Variants in VPS13D observed in about 807,000 individuals in gnomAD.
VPS13D encodes the protein vacuolar protein sorting 13 homolog D.
Under a neutral mutation model 461.9 loss-of-function variants are expected in VPS13D, and 187 were observed. The observed-to-expected ratio is 0.40, with a 90% CI of 0.36 to 0.46. The LOEUF (loss-of-function observed/expected upper bound fraction) is 0.46, where lower values mean the gene tolerates loss of function less well. Among genes scored for constraint, VPS13D ranks in the 20% least tolerant of loss-of-function variants. The pLI is 0.60. For synonymous variants in VPS13D, 1,951 were observed against 1,986.3 expected (o/e 0.98, Z 0.47); for missense variants, 4,711 against 5,364.9 (o/e 0.88, Z 3.81).
At chr1:12,493,314 C>G (rs1219575059) in intron 67 of VPS13D, among the ~76,000 whole-genome samples, 1 of 151,686 alleles carries the variant, frequency 6.6e-6, no homozygotes, top group Admixed American at 6.6e-5. Flanking sequence ...AACCCCGTCT[C>G]TAATAAAAAT....
rs188974549 is a variant in VPS13D at position 12,323,437 on chromosome 1, T to C, written c.7916-269T>C. Among the ~76,000 whole-genome samples the C allele has an allele frequency of 1.8e-4, 27 of 152,064 alleles. No individual in the cohort carries two copies. The East Asian group carries it at 4.7e-3, about 26-fold the overall frequency. ...AAAATGTAGGGGCCAGATGGTGGAA[T>C]GAAGGGGCCAGATGCGAAATAGACC... is the stretch of plus-strand genomic sequence containing the variant. On this transcript the variant is annotated intron_variant, in intron 34 of 69. Transcript: ENST00000620676.
chr1:12,464,161 A>G (rs757352339), intron 67 of VPS13D, among the ~76,000 whole-genome samples: 6 of 152,122 alleles, frequency 3.9e-5, no homozygotes, highest in Non-Finnish European at 5.9e-5. Context: ...ACCATCTCCA[A>G]CCATCCCGGT....
At chr1:12,497,027 C>A (rs548488893) in intron 67 of VPS13D, 1 of 152,912 alleles carries the variant, frequency 6.5e-6, no homozygotes, top group African/African-American at 2.4e-5. Context: ...TTCTTCCAGA[C>A]CCATCACAAA....
At chr1:12,310,524 C>T (rs908740140) in intron 27 of VPS13D, among the ~76,000 whole-genome samples, 1 of 152,134 alleles carries the variant, frequency 6.6e-6, no homozygotes, top group Non-Finnish European at 1.5e-5. Context: ...TTCTGTCCAT[C>T]CCAGCTGAGA....
chr1:12,388,592 AAG>A (rs1557750223), intron 60 of VPS13D, among the ~76,000 whole-genome samples: 1 of 152,050 alleles, frequency 6.6e-6, no homozygotes, highest in African/African-American at 2.4e-5. Flanking sequence ...AAAAAAAAAA[AAG>A]AAATCATAAA....
At position 12,369,457 on chromosome 1, in the gene VPS13D, A is replaced by G. The variant is rs767911296; in HGVS notation, c.10573-10A>G. ...GAAAGTCCTCTTTGTCCTCTCTGCC[A>G]TCACTCTAGGTCCCGGTTGTCTTTA... On this transcript the variant is annotated splice_polypyrimidine_tract_variant and intron_variant, in intron 53 of 69. Transcript: ENST00000620676. 6.2e-7 allele frequency: 1 copy of G among 1,613,600 alleles called. No individual in the cohort carries two copies. Among genetic ancestry groups the G allele is most frequent in the South Asian group, 1.1e-5 (1 of 91,006 alleles).
At chr1:12,342,422 G>A (rs1026983845) in intron 41 of VPS13D, among the ~76,000 whole-genome samples, 1 of 152,210 alleles carries the variant, frequency 6.6e-6, no homozygotes, top group Non-Finnish European at 1.5e-5. Flanking sequence ...TTTAGATCTT[G>A]GCTCAGCCTT....
intron 63 of VPS13D, among the ~76,000 whole-genome samples, chr1:12,413,177 G>T (rs1292550183): frequency 6.6e-6 from 1 of 151,244 alleles, no homozygotes; most frequent in Admixed American, 6.7e-5. Context: ...TTTTTTGTTT[G>T]TTTGTTTGTT....
In VPS13D at chr1:12,362,716, G is replaced by A; in HGVS notation, c.10142-4G>A. 2 of 1,613,020 alleles carry A rather than the reference G, an allele frequency of 1.2e-6. No homozygotes were observed. Among genetic ancestry groups the A allele is most frequent in the Non-Finnish European group, 1.7e-6 (2 of 1,179,658 alleles). On this transcript the variant is annotated splice_region_variant and splice_polypyrimidine_tract_variant and intron_variant, in intron 50 of 69. Coordinates refer to ENST00000620676, the MANE Select transcript of VPS13D (RefSeq NM_015378.4). ...CTCATAAAAGTGGTTCTTGTTATTT[G>A]TAGGTATTGATGTCAAGAAAGGCCG...
At chr1:12,244,941 G>C (rs1379892177) in intron 5 of VPS13D, among the ~76,000 whole-genome samples, 1 of 152,204 alleles carries the variant, frequency 6.6e-6, no homozygotes, top group Admixed American at 6.5e-5. Context: ...TAAGAATCCA[G>C]GTTACTTGAC....
At chr1:12,327,238 A>T (rs1339586175) in intron 35 of VPS13D, among the ~76,000 whole-genome samples, 2 of 152,158 alleles carry the variant, frequency 1.3e-5, no homozygotes, top group Non-Finnish European at 1.5e-5. Context: ...TCGATCATTT[A>T]CACTGTCCCT....
intron 65 of VPS13D, among the ~76,000 whole-genome samples, chr1:12,450,277 A>C (rs929105235): frequency 1.3e-5 from 2 of 152,282 alleles, no homozygotes; most frequent in East Asian, 3.9e-4. Context: ...GTTTGACTAC[A>C]TCGTGGCAAC....
intron 43 of VPS13D, 118 bp from the exon 44 acceptor site, chr1:12,346,487 A>G: frequency 1.1e-6 from 1 of 935,630 alleles, no homozygotes; most frequent in South Asian, 1.6e-5. Flanking sequence ...AGTAGACTAT[A>G]CTTTACTTGA....
chr1:12,490,756 G>C (rs573105171), intron 67 of VPS13D, among the ~76,000 whole-genome samples: 29 of 151,336 alleles, frequency 1.9e-4, no homozygotes, highest in African/African-American at 6.3e-4. Context: ...CCACGGCATG[G>C]TGGGAGCTAC....
At chr1:12,431,493 G>A (rs1414792568) in intron 65 of VPS13D, among the ~76,000 whole-genome samples, 2 of 150,652 alleles carry the variant, frequency 1.3e-5, no homozygotes, top group African/African-American at 4.9e-5. Flanking sequence ...CAGCTTGTGG[G>A]CACCTGCTTG....
chr1:12,372,488 T>C (rs1394626749), intron 54 of VPS13D, among the ~76,000 whole-genome samples: 1 of 152,230 alleles, frequency 6.6e-6, no homozygotes, highest in African/African-American at 2.4e-5. Context: ...TTCATGTGCT[T>C]ATTAGTCATT....
At chr1:12,384,616 TTTTATTTA>T (rs947094101) in intron 58 of VPS13D, among the ~76,000 whole-genome samples, 4 of 151,962 alleles carry the variant, frequency 2.6e-5, no homozygotes, top group South Asian at 2.1e-4. Flanking sequence ...CAACACCACT[TTTTATTTA>T]TTTATTTATT....
intron 63 of VPS13D, among the ~76,000 whole-genome samples, chr1:12,410,351 A>G (rs1213063686): frequency 1.3e-5 from 2 of 152,206 alleles, no homozygotes; most frequent in Non-Finnish European, 1.5e-5. Context: ...ACTAAAACAC[A>G]CCAGAACTTA....
In VPS13D at chr1:12,400,164, C is replaced by A; in HGVS notation, c.11635-17C>A. 4.4e-6 allele frequency: 7 copies of A among 1,608,970 alleles called. No homozygotes were observed. The highest frequency in any genetic ancestry group is 5.1e-6 in the Non-Finnish European group (6 of 1,177,136). ...GTCTGTTTTTGTTTTTGCTTTGCTA[C>A]CTTTCCATGGCCGTAGGTGGACAAT... is the stretch of plus-strand genomic sequence containing the variant. On this transcript the variant is annotated splice_polypyrimidine_tract_variant and intron_variant, in intron 60 of 69. Transcript: ENST00000620676.
Sources: allele counts gnomAD v4.1 joint callset (sites outside exome capture counted in the v4.1 genomes callset), GRCh38; gene constraint gnomAD v4.1.1; transcripts MANE v1.5; gene names NCBI Gene and HGNC (gene_info 2026-07-23, HGNC 2026-07-21).